BANK1: variants seen among roughly 807,000 people sequenced by gnomAD.
BANK1 encodes B cell scaffold protein with ankyrin repeats 1.
Under a neutral mutation model 94.5 loss-of-function variants are expected in BANK1, and 95 were observed. That is an observed-to-expected ratio of 1.00 (90% confidence interval 0.85 to 1.19). The LOEUF is 1.19. Among genes scored for constraint, BANK1 ranks in the 50% most tolerant of loss-of-function variants. BANK1 has a pLI of 0.00. For missense variants in BANK1, 987 were observed against 932.2 expected (o/e 1.06, Z -0.77); for synonymous variants, 334 against 308.4 (o/e 1.08, Z -0.87).
chr4:102,027,888 G>A (rs751216820), intron 9 of BANK1, among the ~76,000 whole-genome samples: 1 of 152,110 alleles, frequency 6.6e-6, no homozygotes, highest in Admixed American at 6.5e-5. Context: ...ATTAGAATGT[G>A]TCAGTTGCTT....
At chr4:101,973,198 T>G (rs904743263) in intron 7 of BANK1, among the ~76,000 whole-genome samples, 1 of 152,092 alleles carries the variant, frequency 6.6e-6, no homozygotes, top group Non-Finnish European at 1.5e-5. Context: ...ATATGTTAAC[T>G]AGTTTAATTT....
chr4:101,896,237 A>G (rs1722074883), intron 6 of BANK1, among the ~76,000 whole-genome samples: 1 of 151,970 alleles, frequency 6.6e-6, no homozygotes, highest in African/African-American at 2.4e-5. Flanking sequence ...ACTGTTTATA[A>G]TTCATTTATA....
intron 5 of BANK1, among the ~76,000 whole-genome samples, chr4:101,884,748 C>T (rs1728787632): frequency 6.6e-6 from 1 of 152,076 alleles, no homozygotes; most frequent in Non-Finnish European, 1.5e-5. Context: ...ATATTGGTCA[C>T]CTCTCTTCAT....
chr4:101,888,301 C>T (rs75598573), intron 5 of BANK1, among the ~76,000 whole-genome samples: 5 of 152,238 alleles, frequency 3.3e-5, no homozygotes, highest in East Asian at 1.9e-4. Flanking sequence ...TTTTCAACAA[C>T]GAGACACAAG....
intron 13 of BANK1, among the ~76,000 whole-genome samples, chr4:102,066,063 A>G (rs1027711446): frequency 1.3e-5 from 2 of 152,214 alleles, no homozygotes; most frequent in Non-Finnish European, 2.9e-5. Flanking sequence ...ATTGCTGAAA[A>G]AACTTTTAAA....
intron 11 of BANK1, among the ~76,000 whole-genome samples, chr4:102,051,027 G>A (rs1359759817): frequency 6.6e-6 from 1 of 152,136 alleles, no homozygotes; most frequent in East Asian, 1.9e-4. Context: ...CTACTCATGG[G>A]AAAGAGGTAG....
At chr4:102,018,825 T>C (rs1726800343) in intron 7 of BANK1, among the ~76,000 whole-genome samples, 2 of 150,320 alleles carry the variant, frequency 1.3e-5, no homozygotes. Flanking sequence ...CTTTCCTTTT[T>C]TTTTTTTTTT....
intron 10 of BANK1, among the ~76,000 whole-genome samples, chr4:102,030,478 A>T (rs964926670): frequency 6.6e-6 from 1 of 151,138 alleles, no homozygotes; most frequent in Non-Finnish European, 1.5e-5. Context: ...GTACATGTGC[A>T]GAACGTGCAG....
At chr4:102,071,773 G>A (rs1728770647) in intron 14 of BANK1, among the ~76,000 whole-genome samples, 2 of 152,236 alleles carry the variant, frequency 1.3e-5, no homozygotes, top group African/African-American at 2.4e-5. Flanking sequence ...CATGTGATGG[G>A]GGGATTGTGT....
In BANK1 at chr4:101,850,249, TTTTG is replaced by T. The variant is rs545693313; in HGVS notation, c.470-4769_470-4766del. The stretch of plus-strand genomic sequence containing the variant: ...GCTTTGAATTTGTGTTTGGGTGTCT[TTTTG>T]TTTGTTTGTTTGTTTGGTTGGTTGG... On this transcript the variant is annotated intron_variant, in intron 2 of 16. Transcript: ENST00000322953. 5.3e-4 allele frequency among the ~76,000 whole-genome samples: 81 copies of T among 152,260 alleles called. 1 individual carries two copies. The South Asian group carries it at 0.013, about 25-fold the overall frequency.
At chr4:102,068,661 T>C (rs1326720577) in intron 13 of BANK1, among the ~76,000 whole-genome samples, 1 of 152,002 alleles carries the variant, frequency 6.6e-6, no homozygotes, top group African/African-American at 2.4e-5. Context: ...ACCCTGTCTC[T>C]TATAAAAATA....
intron 7 of BANK1, among the ~76,000 whole-genome samples, chr4:101,943,476 G>A (rs1490685819): frequency 6.6e-6 from 1 of 151,840 alleles, no homozygotes; most frequent in Non-Finnish European, 1.5e-5. Context: ...GTCATGGTGG[G>A]TGGATTGGTG....
chr4:101,897,005 G>A (rs1259264791), intron 6 of BANK1, among the ~76,000 whole-genome samples: 2 of 151,896 alleles, frequency 1.3e-5, no homozygotes, highest in South Asian at 2.1e-4. Context: ...TGAATAAAAA[G>A]CAGGCTAGGT....
chr4:102,071,223 A>G (rs929155553), intron 13 of BANK1, 52 bp from the exon 14 acceptor site: 2 of 1,568,624 alleles, frequency 1.3e-6, no homozygotes, highest in Non-Finnish European at 1.8e-6. Flanking sequence ...GAGAGAATTT[A>G]AGATAAATAT....
At chr4:102,010,076 C>T (rs1223199071) in intron 7 of BANK1, among the ~76,000 whole-genome samples, 1 of 151,246 alleles carries the variant, frequency 6.6e-6, no homozygotes, top group Admixed American at 6.6e-5. Context: ...ACCATCCTGG[C>T]TAACACGGTG....
At chr4:101,906,622 G>T (rs1454588044) in intron 6 of BANK1, among the ~76,000 whole-genome samples, 2 of 152,118 alleles carry the variant, frequency 1.3e-5, no homozygotes, top group Non-Finnish European at 2.9e-5. Flanking sequence ...AACCTCTTCT[G>T]TTACTTTGCT....
intron 1 of BANK1, among the ~76,000 whole-genome samples, chr4:101,795,015 G>T (rs1288667299): frequency 2.6e-5 from 4 of 151,900 alleles, no homozygotes; most frequent in African/African-American, 9.7e-5. Flanking sequence ...ACACTGAAAA[G>T]TATAAGAACA....
At chr4:101,853,816 G>T (rs78587142) in intron 2 of BANK1, among the ~76,000 whole-genome samples, 1 of 152,052 alleles carries the variant, frequency 6.6e-6, no homozygotes, top group East Asian at 1.9e-4. Context: ...GGATCACACC[G>T]CGTAGAGGGC....
chr4:101,815,159 G>A (rs1039189970), intron 1 of BANK1, among the ~76,000 whole-genome samples: 1 of 152,112 alleles, frequency 6.6e-6, no homozygotes, highest in Non-Finnish European at 1.5e-5. Flanking sequence ...TAGAATTAGA[G>A]AGATATACCC....
Sources: allele counts gnomAD v4.1 joint callset (sites outside exome capture counted in the v4.1 genomes callset), GRCh38; gene constraint gnomAD v4.1.1; transcripts MANE v1.5; gene names NCBI Gene and HGNC (gene_info 2026-07-23, HGNC 2026-07-21).